PCDH17: variants seen among roughly 807,000 people sequenced by gnomAD.
PCDH17 encodes the protein protocadherin-17.
PCDH17 carries 21 observed loss-of-function variants against 67.7 expected under a neutral mutation model. That is an observed-to-expected ratio of 0.31 (90% CI 0.22 to 0.45). PCDH17 has a LOEUF of 0.45. Ranked by LOEUF, PCDH17 falls within the 20% of genes least tolerant of loss-of-function variation. The pLI is 1.00. For missense variants in PCDH17, 1,471 were observed against 1,564.8 expected, an observed-to-expected ratio of 0.94 and a Z score of 1.01; for synonymous variants, 701 against 656.7, an observed-to-expected ratio of 1.07 and a Z score of -1.03.
At chr13:57,677,061 G>A (rs980514055) in intron 3 of PCDH17, among the ~76,000 whole-genome samples, 2 of 151,818 alleles carry the variant, frequency 1.3e-5, no homozygotes, top group Admixed American at 6.6e-5. Context: ...TAGTTGTTAT[G>A]TTGAATGTTT....
intron 3 of PCDH17, among the ~76,000 whole-genome samples, chr13:57,716,324 T>G (rs2138095911): frequency 6.6e-6 from 1 of 152,118 alleles, no homozygotes. Context: ...TACTTAGAAC[T>G]TTTCCATTCT....
intron 1 of PCDH17, among the ~76,000 whole-genome samples, chr13:57,651,013 C>T (rs1485108228): frequency 1.3e-5 from 2 of 152,100 alleles, no homozygotes; most frequent in Non-Finnish European, 2.9e-5. Flanking sequence ...ATGGACAATA[C>T]ATGACATATA....
rs1438592676 is a variant in PCDH17, at chr13:57,633,170, C to G, written c.624C>G (p.His208Gln). 1 of 1,613,300 alleles carries G rather than the reference C, an allele frequency of 6.2e-7. No homozygotes were observed. The highest frequency in any genetic ancestry group is 8.5e-7 in the Non-Finnish European group (1 of 1,179,970). ...CTCTGGACCGCGAGCAACAGAATCA[C>G]CATACGCTCGTGCTGACTGCCCTGG... ...QKALDREQQNHHTLVLTALDG... is the reference protein window; with the variant it reads ...QKALDREQQNQHTLVLTALDG... The change falls in exon 1 of 4, where the codon CAC (histidine) becomes CAG (glutamine). Residue 208 changes from histidine to glutamine, a missense_variant. His to Gln is a conservative substitution (Grantham distance 24). Coordinates refer to ENST00000377918, the MANE Select transcript of PCDH17 (RefSeq NM_001040429.3). The surrounding 1 kb of genome is among the most constrained non-coding windows in gnomAD (Gnocchi z 6.2).
At chr13:57,656,156 A>T (rs1955100532) in intron 1 of PCDH17, among the ~76,000 whole-genome samples, 2 of 152,152 alleles carry the variant, frequency 1.3e-5, no homozygotes, top group Non-Finnish European at 2.9e-5. Flanking sequence ...TCACTACAGT[A>T]ATACTGTTTT....
intron 3 of PCDH17, among the ~76,000 whole-genome samples, chr13:57,672,387 G>C (rs529797099): frequency 2.6e-5 from 4 of 151,972 alleles, no homozygotes; most frequent in East Asian, 1.9e-4. Context: ...AGGTAAGGGT[G>C]GGGGAGGCTC....
rs1566214190 is a variant in PCDH17 at position 57,634,425 on chromosome 13, A to G, written c.1879A>G (p.Ile627Val). 1 of 1,612,684 alleles carries G rather than the reference A, an allele frequency of 6.2e-7. No individual in the cohort carries two copies. The highest frequency in any genetic ancestry group is 8.5e-7 in the Non-Finnish European group (1 of 1,179,910). Residue 627 changes from isoleucine to valine, a missense_variant, in exon 1 of 4, where the codon ATC becomes GTC. Physicochemically the swap from Ile to Val is conservative, Grantham distance 29. Transcript: ENST00000377918. This position sits in a 1 kb window ranked among gnomAD's most constrained non-coding sequence, Gnocchi z 7.8. Reference protein sequence around the residue: ...FGESGRLTYEIVDGNDDHLFE... With the variant: ...FGESGRLTYEVVDGNDDHLFE... ...CGAGAGCGGGCGTCTCACCTACGAGATCGTGGACGGCAACGACGACCACCT... is the reference window on the plus strand; with the variant it reads ...CGAGAGCGGGCGTCTCACCTACGAGGTCGTGGACGGCAACGACGACCACCT...
Position 57,729,278 on chromosome 13 carries a change from A to T in PCDH17, c.*3984A>T, listed in dbSNP as rs543422505. The T allele has an allele frequency of 6.6e-6, 1 of 152,228 alleles. No individual in the cohort carries two copies. The highest frequency in any genetic ancestry group is 2.1e-4 in the South Asian group (1 of 4,824). The allele number at this position is 152,228 out of a possible 1,614,324, so 9.4% of individuals were successfully genotyped here. Reference sequence around the variant, plus strand: ...TGTGTTTAATGTGATCTATCTGGAAAATGAGGACTCCGAATAAAAAGCTAT... The same window carrying T: ...TGTGTTTAATGTGATCTATCTGGAATATGAGGACTCCGAATAAAAAGCTAT... On this transcript the variant is annotated 3_prime_UTR_variant, in exon 4 of 4. Transcript: ENST00000377918.
chr13:57,692,966 A>G (rs1377993590), intron 3 of PCDH17, among the ~76,000 whole-genome samples: 1 of 150,996 alleles, frequency 6.6e-6, no homozygotes, highest in African/African-American at 2.4e-5. Context: ...ATACATAGAT[A>G]TAAGAAGTAT....
At chr13:57,637,195 G>T (rs143209747) in intron 1 of PCDH17, among the ~76,000 whole-genome samples, 3 of 152,154 alleles carry the variant, frequency 2.0e-5, no homozygotes, top group Non-Finnish European at 4.4e-5. Context: ...ATGCCATAAA[G>T]ACACAAACTA....
At chr13:57,650,342 C>T (rs1455856032) in intron 1 of PCDH17, among the ~76,000 whole-genome samples, 1 of 151,252 alleles carries the variant, frequency 6.6e-6, no homozygotes, top group East Asian at 2.0e-4. Flanking sequence ...TCAGGCACGG[C>T]TGGTCTACTG....
chr13:57,684,126 C>G (rs559222859), intron 3 of PCDH17, among the ~76,000 whole-genome samples: 1 of 151,932 alleles, frequency 6.6e-6, no homozygotes, highest in African/African-American at 2.4e-5. Context: ...TTCTTTCTTT[C>G]ATTTTCACTG....
chr13:57,713,753 A>G (rs1296720641), intron 3 of PCDH17, among the ~76,000 whole-genome samples: 4 of 151,626 alleles, frequency 2.6e-5, no homozygotes, highest in African/African-American at 4.8e-5. Context: ...ACGCGTATGC[A>G]TGAACACATT....
intron 3 of PCDH17, among the ~76,000 whole-genome samples, chr13:57,685,617 G>A (rs559172984): frequency 8.5e-4 from 130 of 152,082 alleles, no homozygotes; most frequent in Middle Eastern, 3.4e-3. Context: ...TAATGGATGG[G>A]AGTTGAGTAT....
chr13:57,696,125 C>T (rs535950295), intron 3 of PCDH17, among the ~76,000 whole-genome samples: 2 of 151,412 alleles, frequency 1.3e-5, no homozygotes, highest in African/African-American at 4.8e-5. Context: ...AACGGTTGTT[C>T]TTAGTAAAAA....
Position 57,727,148 on chromosome 13 carries a change from T to C in PCDH17, c.*1854T>C, listed in dbSNP as rs1440723321. The C allele has an allele frequency of 6.6e-6, 1 of 152,568 alleles. No individual in the cohort carries two copies. The highest frequency in any genetic ancestry group is 1.5e-5 in the Non-Finnish European group (1 of 68,006). The allele number at this position is 152,568 out of a possible 1,614,324, so 9.5% of individuals were successfully genotyped here. On this transcript the variant is annotated 3_prime_UTR_variant, in exon 4 of 4. Coordinates refer to ENST00000377918, the MANE Select transcript of PCDH17 (RefSeq NM_001040429.3). ...AGTAGCAGCAGATGGGAAAATGCCT[T>C]GATTGACATTTTCTTTCAGCATTTA... is the stretch of plus-strand genomic sequence containing the variant.
upstream of PCDH17, among the ~76,000 whole-genome samples, chr13:57,631,541 T>C (rs981297820): frequency 3.9e-5 from 6 of 152,202 alleles, no homozygotes; most frequent in African/African-American, 1.4e-4. Flanking sequence ...GCTACTGGCT[T>C]GGCGTAGAGA....
At chr13:57,672,142 A>T (rs959604132) in intron 3 of PCDH17, among the ~76,000 whole-genome samples, 3 of 152,072 alleles carry the variant, frequency 2.0e-5, no homozygotes, top group African/African-American at 7.2e-5. Flanking sequence ...AGGAATATCA[A>T]ATATCTTTGG....
intron 1 of PCDH17, among the ~76,000 whole-genome samples, chr13:57,654,330 T>C (rs1007227987): frequency 6.6e-6 from 1 of 152,030 alleles, no homozygotes; most frequent in Non-Finnish European, 1.5e-5. Context: ...TAAAACTTTA[T>C]TTTCAAAAAC....
chr13:57,642,381 TAA>T (rs550689522), intron 1 of PCDH17, among the ~76,000 whole-genome samples: 1 of 151,616 alleles, frequency 6.6e-6, no homozygotes, highest in Admixed American at 6.6e-5. Flanking sequence ...TATACTCTTA[TAA>T]AAAACATTGG....
Sources: gnomAD v4.1 joint callset for allele counts (sites outside exome capture counted in the v4.1 genomes callset) on GRCh38, gnomAD v4.1.1 for gene constraint, Gnocchi (gnomAD v3.1) non-coding constraint, MANE v1.5 for transcripts, NCBI Gene and HGNC (gene_info 2026-07-23, HGNC 2026-07-21) for gene names.